ARFIP1: variants seen among roughly 807,000 people sequenced by gnomAD.
ARFIP1 encodes the protein ARF interacting protein 1, also known as arfaptin-1.
ARFIP1 carries 24 observed loss-of-function variants against 42.5 expected under a neutral mutation model. The observed-to-expected ratio is 0.57, with a 90% confidence interval of 0.41 to 0.80. The LOEUF is 0.80. Ranked by LOEUF, ARFIP1 falls within the 30% of genes least tolerant of loss-of-function variation. ARFIP1 has a pLI of 0.00. For missense variants in ARFIP1, 354 were observed against 434.0 expected (o/e 0.82, Z 1.64); for synonymous variants, 141 against 153.7 (o/e 0.92, Z 0.61).
intron 1 of ARFIP1, among the ~76,000 whole-genome samples, chr4:152,781,527 G>A (rs866291305): frequency 2.0e-5 from 3 of 152,250 alleles, no homozygotes; most frequent in Middle Eastern, 3.4e-3. Context: ...GTGAGCCACC[G>A]CGCCCGGCCG....
intron 1 of ARFIP1, among the ~76,000 whole-genome samples, chr4:152,823,522 T>G (rs1477256075): frequency 6.6e-6 from 1 of 152,196 alleles, no homozygotes; most frequent in Non-Finnish European, 1.5e-5. Flanking sequence ...GGTTTATGCC[T>G]GTAATCCCAG....
chr4:152,781,921 AT>A (rs1022622931), intron 1 of ARFIP1, among the ~76,000 whole-genome samples: 10 of 152,220 alleles, frequency 6.6e-5, no homozygotes, highest in East Asian at 1.9e-4. Flanking sequence ...GTTTGAGTGA[AT>A]TTTTTTCCCC....
At chr4:152,820,346 C>G (rs528316397) in intron 1 of ARFIP1, among the ~76,000 whole-genome samples, 1 of 152,286 alleles carries the variant, frequency 6.6e-6, no homozygotes, top group East Asian at 1.9e-4. Flanking sequence ...AAAGTGCACA[C>G]TACTGGGGAA....
chr4:152,867,433 C>T (rs532969442), intron 3 of ARFIP1, among the ~76,000 whole-genome samples: 1 of 151,516 alleles, frequency 6.6e-6, no homozygotes, highest in Admixed American at 6.6e-5. Context: ...TGCAGTGAGC[C>T]GAGATGGCAG....
At chr4:152,904,070 A>G (rs1437630722) in intron 8 of ARFIP1, among the ~76,000 whole-genome samples, 1 of 151,370 alleles carries the variant, frequency 6.6e-6, no homozygotes, top group East Asian at 1.9e-4. Context: ...TTTATTTTTA[A>G]GTTCATGGGT....
intron 5 of ARFIP1, among the ~76,000 whole-genome samples, chr4:152,878,580 G>A (rs1735563395): frequency 1.3e-5 from 2 of 152,184 alleles, no homozygotes; most frequent in East Asian, 1.9e-4. Context: ...TGGAATATAT[G>A]TGAATCTAGT....
intron 2 of ARFIP1, among the ~76,000 whole-genome samples, chr4:152,850,402 ATG>A (rs1732885602): frequency 6.6e-6 from 1 of 152,040 alleles, no homozygotes; most frequent in African/African-American, 2.4e-5. Flanking sequence ...GAAGCCCTAG[ATG>A]TGCCAAAGTC....
chr4:152,799,350 T>C (rs1227053745), intron 1 of ARFIP1, among the ~76,000 whole-genome samples: 1 of 152,184 alleles, frequency 6.6e-6, no homozygotes, highest in Non-Finnish European at 1.5e-5. Flanking sequence ...GAGGAATTGG[T>C]AAGGCTGGAG....
intron 3 of ARFIP1, among the ~76,000 whole-genome samples, chr4:152,865,287 C>T (rs1359927982): frequency 6.6e-6 from 1 of 152,060 alleles, no homozygotes; most frequent in Non-Finnish European, 1.5e-5. Flanking sequence ...CAGGCGCCTG[C>T]CACCATGCCG....
At chr4:152,815,350 A>G (rs924945781) in intron 1 of ARFIP1, among the ~76,000 whole-genome samples, 3 of 152,148 alleles carry the variant, frequency 2.0e-5, no homozygotes, top group African/African-American at 7.2e-5. Context: ...ATGACCCTTC[A>G]TAGAAAAAAG....
chr4:152,891,866 C>A (rs761398446), intron 8 of ARFIP1, among the ~76,000 whole-genome samples: 2 of 151,940 alleles, frequency 1.3e-5, no homozygotes, highest in Admixed American at 1.3e-4. Context: ...TGCCATCATG[C>A]CCAGTTAATT....
At chr4:152,787,420 C>T (rs556213385) in intron 1 of ARFIP1, among the ~76,000 whole-genome samples, 10 of 152,312 alleles carry the variant, frequency 6.6e-5, no homozygotes, top group African/African-American at 2.4e-4. Context: ...AACAGTTTCT[C>T]CAAGAGAAAA....
At chr4:152,786,603 C>T (rs1730823144) in intron 1 of ARFIP1, among the ~76,000 whole-genome samples, 1 of 152,212 alleles carries the variant, frequency 6.6e-6, no homozygotes, top group Non-Finnish European at 1.5e-5. Context: ...CTCTCTAATT[C>T]ATTACCCATC....
intron 8 of ARFIP1, among the ~76,000 whole-genome samples, chr4:152,897,983 C>CTTTT (rs766083303): frequency 8.2e-5 from 10 of 121,488 alleles, no homozygotes; most frequent in South Asian, 2.6e-4. Context: ...TTGCAATGTT[C>CTTTT]TTTTTTTTTT....
intron 1 of ARFIP1, among the ~76,000 whole-genome samples, chr4:152,788,957 T>C (rs1730983066): frequency 6.6e-6 from 1 of 152,004 alleles, no homozygotes; most frequent in African/African-American, 2.4e-5. Flanking sequence ...TCAGGTATTT[T>C]GTAGACTGTC....
At chr4:152,865,137 T>C (rs1308108943) in intron 3 of ARFIP1, among the ~76,000 whole-genome samples, 8 of 150,448 alleles carry the variant, frequency 5.3e-5, no homozygotes, top group African/African-American at 2.0e-4. Context: ...ATATTAGTAT[T>C]CTGTATTTTT....
chr4:152,863,682 A>G lies in ARFIP1; in HGVS notation c.170A>G (p.Lys57Arg). The change falls in exon 3 of 9, where the codon AAA (lysine) becomes AGA (arginine). Residue 57 changes from lysine to arginine, a missense_variant. Lys to Arg is a conservative substitution (Grantham distance 26). Coordinates refer to ENST00000353617, the MANE Select transcript of ARFIP1 (RefSeq NM_001025595.3). ...QITSHGFDNT[K>R]EGVIEAGAFQ... The stretch of plus-strand genomic sequence containing the variant: ...ACATCTCATGGCTTTGACAATACCA[A>G]AGAGGGTGTTATTGAAGCAGGAGCA... 6.2e-7 allele frequency: 1 copy of G among 1,609,782 alleles called. No individual in the cohort carries two copies. Among genetic ancestry groups the G allele is most frequent in the Non-Finnish European group, 8.5e-7 (1 of 1,176,424 alleles).
intron 2 of ARFIP1, among the ~76,000 whole-genome samples, chr4:152,840,975 C>T (rs898435064): frequency 3.3e-5 from 5 of 151,878 alleles, no homozygotes. Flanking sequence ...CCGCCTCGAC[C>T]TCCGAAAGTG....
At chr4:152,909,801 A>G (rs945146826) in intron 8 of ARFIP1, among the ~76,000 whole-genome samples, 3 of 152,208 alleles carry the variant, frequency 2.0e-5, no homozygotes, top group South Asian at 2.1e-4. Flanking sequence ...AATCCTCTCA[A>G]TAATGTTTGA....
Sources: allele counts gnomAD v4.1 joint callset (sites outside exome capture counted in the v4.1 genomes callset), GRCh38; gene constraint gnomAD v4.1.1; transcripts MANE v1.5; gene names NCBI Gene and HGNC (gene_info 2026-07-23, HGNC 2026-07-21).